The following IQSEC1 variants were observed in gnomAD, a reference collection of about 807,000 sequenced individuals.
IQSEC1 encodes the protein IQ motif and Sec7 domain ArfGEF 1, also known as IQ motif and SEC7 domain-containing protein 1.
IQSEC1 carries 31 observed loss-of-function variants against 91.0 expected under a neutral mutation model. The ratio of observed to expected loss-of-function variants is 0.34; its 90% CI spans 0.26 to 0.46. The LOEUF is 0.46. Among genes scored for constraint, IQSEC1 ranks in the 20% least tolerant of loss-of-function variants. IQSEC1 has a pLI of 1.00. For missense variants in IQSEC1, 1,388 were observed against 1,575.6 expected, an observed-to-expected ratio of 0.88 and a Z score of 2.02; for synonymous variants, 699 against 662.6, an observed-to-expected ratio of 1.05 and a Z score of -0.84.
chr3:13,186,731 G>T (rs930736063), intron 1 of IQSEC1, among the ~76,000 whole-genome samples: 2 of 152,132 alleles, frequency 1.3e-5, no homozygotes, highest in Non-Finnish European at 2.9e-5. Flanking sequence ...GTGGAATGCG[G>T]TTTCCTCCCT....
intron 2 of IQSEC1, among the ~76,000 whole-genome samples, chr3:13,149,773 C>T (rs1040049173): frequency 2.0e-5 from 3 of 152,210 alleles, no homozygotes; most frequent in African/African-American, 4.8e-5. Flanking sequence ...AAGCTGGCTC[C>T]TCCGCCTTCT....
chr3:13,166,223 A>C (rs1366339691), intron 1 of IQSEC1, among the ~76,000 whole-genome samples: 1 of 152,234 alleles, frequency 6.6e-6, no homozygotes, highest in Admixed American at 6.5e-5. Context: ...GCTAACACAC[A>C]GTTCCTGCTC....
chr3:13,021,995 G>A (rs960510487), intron 1 of IQSEC1: 7 of 1,209,702 alleles, frequency 5.8e-6, no homozygotes, highest in South Asian at 4.2e-5. Context: ...CCCAACAGTC[G>A]ACAGCCAGGC....
At position 13,117,289 on chromosome 3, in the gene IQSEC1, G is replaced by GAA. The variant is rs34963745; in HGVS notation, c.302+46813_302+46814dup. Among the ~76,000 whole-genome samples the GAA allele has an allele frequency of 4.6e-3, 559 of 121,320 alleles. 5 individuals are homozygous for GAA. Among genetic ancestry groups the GAA allele is most frequent in the African/African-American group, 0.012 (404 of 33,524 alleles). The allele number at this position is 121,320 out of a possible 152,430, so 79.6% of individuals were successfully genotyped here. ...TGAGATACCACCTAACAGGTCATTA[G>GAA]AAAAAAAAAAAAAACGGCCAGATGC... On this transcript the variant is annotated intron_variant, in intron 2 of 15. Transcript: ENST00000648114.
At chr3:13,024,181 C>T (rs1286840103) in intron 1 of IQSEC1, among the ~76,000 whole-genome samples, 3 of 152,210 alleles carry the variant, frequency 2.0e-5, no homozygotes, top group African/African-American at 4.8e-5. Flanking sequence ...TCTGCTTACC[C>T]GCTTTATCTC....
chr3:13,194,621 G>C (rs773034585), intron 1 of IQSEC1, among the ~76,000 whole-genome samples: 1 of 152,124 alleles, frequency 6.6e-6, no homozygotes, highest in African/African-American at 2.4e-5. Context: ...CCTATGATCC[G>C]AGTTGGAGGG....
chr3:13,177,294 G>C (rs984095343), intron 1 of IQSEC1, among the ~76,000 whole-genome samples: 6 of 152,214 alleles, frequency 3.9e-5, no homozygotes, highest in Admixed American at 1.3e-4. Context: ...GCTCAGAGCT[G>C]GGACCCCAGG....
intron 2 of IQSEC1, among the ~76,000 whole-genome samples, chr3:13,131,936 T>C (rs533945612): frequency 6.6e-6 from 1 of 152,360 alleles, no homozygotes; most frequent in African/African-American, 2.4e-5. Flanking sequence ...GGAATATAGT[T>C]ATAATTGCTA....
chr3:13,016,345 T>C (rs1198971831), intron 1 of IQSEC1, among the ~76,000 whole-genome samples: 3 of 152,216 alleles, frequency 2.0e-5, no homozygotes, highest in African/African-American at 7.2e-5. Flanking sequence ...TCATCTCTCA[T>C]CTAAACAGTG....
chr3:12,982,605 C>T (rs907608618), intron 1 of IQSEC1, among the ~76,000 whole-genome samples: 3 of 152,206 alleles, frequency 2.0e-5, no homozygotes, highest in Non-Finnish European at 2.9e-5. Flanking sequence ...GCCTGGCCCC[C>T]GTGGGTGTTT....
At chr3:13,168,385 T>A (rs17037805) in intron 1 of IQSEC1, among the ~76,000 whole-genome samples, 2,931 of 152,302 alleles carry the variant, frequency 0.019, 81 homozygotes, top group African/African-American at 0.064. Flanking sequence ...CATTTTTTTA[T>A]ACAGTGGAAA....
rs1388516406 is a variant in IQSEC1, at chr3:12,967,377, G to A, written c.24-25512C>T. On this transcript the variant is annotated intron_variant, in intron 1 of 13. Transcript: ENST00000613206. This position sits in a 1 kb window ranked among gnomAD's most constrained non-coding sequence, Gnocchi z 5.9. The stretch of plus-strand genomic sequence containing the variant: ...CCGGGAAGGCCGCTCGCCCCGCGCC[G>A]CGCCCTCACCCGCTGTCAAGCTCTA... 1.3e-6 allele frequency: 2 copies of A among 1,532,544 alleles called. No individual in the cohort carries two copies. The highest frequency in any genetic ancestry group is 1.7e-6 in the Non-Finnish European group (2 of 1,143,424). The allele number at this position is 1,532,544 out of a possible 1,614,324, so 94.9% of individuals were successfully genotyped here.
chr3:12,948,596 G>A (rs1472074792), intron 1 of IQSEC1, among the ~76,000 whole-genome samples: 1 of 152,192 alleles, frequency 6.6e-6, no homozygotes, highest in Non-Finnish European at 1.5e-5. Context: ...CTCTAATTAT[G>A]GCCTATGAAG....
At chr3:12,915,559 C>A in intron 7 of IQSEC1, 35 bp downstream of exon 7, 2 of 1,604,688 alleles carry the variant, frequency 1.2e-6, no homozygotes, top group South Asian at 1.1e-5. Context: ...CCGGGTGGTG[C>A]TGGGGCCCAC....
At chr3:12,977,342 T>G (rs2125570015) in intron 1 of IQSEC1, among the ~76,000 whole-genome samples, 1 of 108,032 alleles carries the variant, frequency 9.3e-6, no homozygotes, top group Admixed American at 1.2e-4. Context: ...TATAAAATCC[T>G]GTCTCCAGGG....
chr3:13,217,936 G>A (rs1198571659), intron 1 of IQSEC1, among the ~76,000 whole-genome samples: 2 of 152,108 alleles, frequency 1.3e-5, no homozygotes, highest in Non-Finnish European at 2.9e-5. Flanking sequence ...GTCCCATACA[G>A]AACCAGAAGA....
chr3:13,280,148 C>T (rs1220001155), intron 1 of IQSEC1, among the ~76,000 whole-genome samples: 2 of 152,210 alleles, frequency 1.3e-5, no homozygotes, highest in African/African-American at 2.4e-5. Context: ...GGTAGTATGA[C>T]TTGTCCCATG....
intron 1 of IQSEC1, among the ~76,000 whole-genome samples, chr3:13,175,885 C>T (rs896954849): frequency 2.6e-5 from 4 of 152,364 alleles, no homozygotes; most frequent in Middle Eastern, 3.4e-3. Flanking sequence ...AAGGGCTCTG[C>T]CCCTGTGACC....
intron 12 of IQSEC1, among the ~76,000 whole-genome samples, chr3:12,905,610 C>A (rs1254748379): frequency 1.3e-5 from 2 of 152,256 alleles, no homozygotes; most frequent in Admixed American, 1.3e-4. Flanking sequence ...ATGTTCTCTG[C>A]TGGGCCTGAC....
Sources: gnomAD v4.1 joint callset for allele counts (sites outside exome capture counted in the v4.1 genomes callset) on GRCh38, gnomAD v4.1.1 for gene constraint, Gnocchi (gnomAD v3.1) non-coding constraint, MANE v1.5 for transcripts, NCBI Gene and HGNC (gene_info 2026-07-23, HGNC 2026-07-21) for gene names.